The following BTBD9 variants were observed in gnomAD, a reference collection of about 807,000 sequenced individuals.
BTBD9 encodes the protein BTB/POZ domain-containing protein 9.
In BTBD9, 49 loss-of-function variants were observed where a neutral mutation model predicts 64.3. The observed-to-expected ratio is 0.76, with a 90% CI of 0.61 to 0.97. The LOEUF (loss-of-function observed/expected upper bound fraction) is 0.97. Among genes scored for constraint, BTBD9 ranks in the 50% least tolerant of loss-of-function variants. The pLI is 0.00. For synonymous variants in BTBD9, 260 were observed against 274.7 expected, an observed-to-expected ratio of 0.95 and a Z score of 0.53; for missense variants, 598 against 762.1, an observed-to-expected ratio of 0.78 and a Z score of 2.53.
chr6:38,538,544 G>A (rs1774123098), intron 6 of BTBD9, among the ~76,000 whole-genome samples: 1 of 152,044 alleles, frequency 6.6e-6, no homozygotes, highest in South Asian at 2.1e-4. Flanking sequence ...ATGTAAGCAG[G>A]AGTAATTTCA....
intron 6 of BTBD9, among the ~76,000 whole-genome samples, chr6:38,412,555 A>AT (rs1767477109): frequency 6.6e-6 from 1 of 151,324 alleles, no homozygotes; most frequent in Admixed American, 6.6e-5. Context: ...TTTGGACTAC[A>AT]TTAAAAAAAA....
intron 9 of BTBD9, among the ~76,000 whole-genome samples, chr6:38,194,396 A>T (rs1762203670): frequency 6.6e-6 from 1 of 152,214 alleles, no homozygotes; most frequent in Non-Finnish European, 1.5e-5. Flanking sequence ...CCAGAAAGAG[A>T]AAAAGAAGTA....
intron 1 of BTBD9, among the ~76,000 whole-genome samples, chr6:38,618,053 A>G (rs1293498614): frequency 6.6e-6 from 1 of 152,218 alleles, no homozygotes; most frequent in Non-Finnish European, 1.5e-5. Context: ...GAGCGCAACT[A>G]TTCCAAACAG....
intron 6 of BTBD9, among the ~76,000 whole-genome samples, chr6:38,510,035 C>A (rs1411878963): frequency 6.6e-6 from 1 of 152,202 alleles, no homozygotes; most frequent in Admixed American, 6.5e-5. Context: ...AGCACTAGCA[C>A]CACCAAAAAA....
At chr6:38,395,406 C>CA (rs967875261) in intron 6 of BTBD9, among the ~76,000 whole-genome samples, 3 of 151,616 alleles carry the variant, frequency 2.0e-5, no homozygotes, top group Non-Finnish European at 4.4e-5. Flanking sequence ...CAGCTTGTCT[C>CA]AAAAAAAGAA....
intron 6 of BTBD9, among the ~76,000 whole-genome samples, chr6:38,501,961 G>A (rs1772221539): frequency 6.6e-6 from 1 of 152,040 alleles, no homozygotes; most frequent in African/African-American, 2.4e-5. Context: ...AGCTCTTTGG[G>A]GTCCTCAACA....
chr6:38,263,825 C>A (rs552980664), intron 8 of BTBD9, among the ~76,000 whole-genome samples: 1 of 152,124 alleles, frequency 6.6e-6, no homozygotes, highest in Admixed American at 6.5e-5. Flanking sequence ...TTACCATTTG[C>A]GGCTTAACCT....
chr6:38,345,998 C>G (rs1476511308), intron 6 of BTBD9, among the ~76,000 whole-genome samples: 1 of 152,182 alleles, frequency 6.6e-6, no homozygotes, highest in Non-Finnish European at 1.5e-5. Context: ...TACTGGAATT[C>G]AAAGTAAGAA....
intron 6 of BTBD9, among the ~76,000 whole-genome samples, chr6:38,487,720 G>C (rs1447078928): frequency 6.6e-6 from 1 of 151,548 alleles, no homozygotes; most frequent in Admixed American, 6.6e-5. Context: ...AGGTGGAGGG[G>C]AATCGAGTTT....
intron 6 of BTBD9, among the ~76,000 whole-genome samples, chr6:38,497,496 C>G (rs1262158873): frequency 6.6e-6 from 1 of 152,056 alleles, no homozygotes; most frequent in African/African-American, 2.4e-5. Context: ...TCAAAATGAT[C>G]AGGTTTCCCG....
chr6:38,336,716 T>G (rs1009334532), intron 7 of BTBD9, among the ~76,000 whole-genome samples: 5 of 152,220 alleles, frequency 3.3e-5, no homozygotes, highest in Non-Finnish European at 7.3e-5. Flanking sequence ...GAGGTCTTCC[T>G]GATACCAGTA....
At chr6:38,479,304 C>T (rs62397057) in intron 6 of BTBD9, among the ~76,000 whole-genome samples, 4,219 of 152,136 alleles carry the variant, frequency 0.028, 87 homozygotes, top group Non-Finnish European at 0.041. Context: ...CCTGGTTAAG[C>T]GAGCACTGAC....
At chr6:38,604,446 T>G (rs1223930668) in intron 1 of BTBD9, among the ~76,000 whole-genome samples, 1 of 152,242 alleles carries the variant, frequency 6.6e-6, no homozygotes, top group Non-Finnish European at 1.5e-5. Flanking sequence ...TGAATATGTA[T>G]ATGATTCATT....
intron 6 of BTBD9, among the ~76,000 whole-genome samples, chr6:38,487,592 C>CGAGAGAGAGAGAGAGAGAGAGAGAGA (rs70981555): frequency 8.1e-6 from 1 of 122,728 alleles, no homozygotes; most frequent in Non-Finnish European, 1.7e-5. Context: ...AGAGAGTCAG[C>CGAGAGAGAGAGAGAGAGAGAGAGAGA]GAGAGAGAGA....
At chr6:38,270,777 A>T (rs1169967423) in intron 8 of BTBD9, among the ~76,000 whole-genome samples, 1 of 152,216 alleles carries the variant, frequency 6.6e-6, no homozygotes, top group East Asian at 1.9e-4. Context: ...AAAGGGTTGC[A>T]ATGACTCTCC....
At chr6:38,358,464 T>C (rs1764817744) in intron 6 of BTBD9, among the ~76,000 whole-genome samples, 1 of 152,172 alleles carries the variant, frequency 6.6e-6, no homozygotes, top group African/African-American at 2.4e-5. Context: ...AAGTACATAC[T>C]GTACATCCTC....
chr6:38,417,360 C>T (rs927101462), intron 6 of BTBD9, among the ~76,000 whole-genome samples: 7 of 152,234 alleles, frequency 4.6e-5, no homozygotes, highest in African/African-American at 1.4e-4. Flanking sequence ...TCTAATATTG[C>T]ACTTATCTAA....
At chr6:38,357,548 G>T (rs1764774308) in intron 6 of BTBD9, among the ~76,000 whole-genome samples, 1 of 152,152 alleles carries the variant, frequency 6.6e-6, no homozygotes, top group Non-Finnish European at 1.5e-5. Flanking sequence ...GAACAAAATG[G>T]ATTATTCAGG....
intron 4 of BTBD9, among the ~76,000 whole-genome samples, chr6:38,580,929 A>G (rs1211376772): frequency 2.6e-5 from 4 of 152,198 alleles, no homozygotes; most frequent in African/African-American, 9.7e-5. Context: ...GCAGTGGCTC[A>G]TGCCTGTAAT....
Sources: allele counts gnomAD v4.1 joint callset (sites outside exome capture counted in the v4.1 genomes callset), GRCh38; gene constraint gnomAD v4.1.1; transcripts MANE v1.5; gene names NCBI Gene and HGNC (gene_info 2026-07-23, HGNC 2026-07-21).